ELOC: variants seen among roughly 807,000 people sequenced by gnomAD.
ELOC encodes the protein elongin-C.
For synonymous variants in ELOC, 40 were observed against 51.3 expected (o/e 0.78, Z 0.94); for missense variants, 38 against 139.0 (o/e 0.27, Z 3.65).
chr8:73,969,195 C>A (rs886882677), intron 1 of ELOC, among the ~76,000 whole-genome samples: 2 of 152,208 alleles, frequency 1.3e-5, no homozygotes, highest in African/African-American at 4.8e-5. Flanking sequence ...TATAGAACTT[C>A]TGATTTATCA....
At chr8:73,966,195 A>T (rs1814957504) in intron 1 of ELOC, among the ~76,000 whole-genome samples, 1 of 152,214 alleles carries the variant, frequency 6.6e-6, no homozygotes, top group Non-Finnish European at 1.5e-5. Context: ...TTCCAACCTA[A>T]TGGGAAGAAT....
intron 3 of ELOC, among the ~76,000 whole-genome samples, chr8:73,954,401 G>A (rs1002117907): frequency 5.9e-5 from 9 of 152,182 alleles, no homozygotes; most frequent in African/African-American, 2.2e-4. Context: ...GCTCACGCCT[G>A]TAATCCCAGC....
At chr8:73,971,941 G>A (rs575731354) in intron 1 of ELOC, 136 bp downstream of exon 1, 4 of 152,298 alleles carry the variant, frequency 2.6e-5, no homozygotes, top group East Asian at 1.9e-4. Flanking sequence ...GAGGCCCAAG[G>A]AGGTTAACAG....
chr8:73,968,590 C>T (rs1372505795), intron 1 of ELOC, among the ~76,000 whole-genome samples: 2 of 152,190 alleles, frequency 1.3e-5, no homozygotes, highest in African/African-American at 4.8e-5. Context: ...CTTCAGTTGC[C>T]TTGTCTCTCC....
chr8:73,956,510 C>T (rs1014585903), intron 2 of ELOC, among the ~76,000 whole-genome samples: 14 of 152,076 alleles, frequency 9.2e-5, no homozygotes, highest in African/African-American at 3.4e-4. Flanking sequence ...GTTTTTAACT[C>T]CTTGTTTTAT....
chr8:73,965,337 G>A (rs1814901514), intron 1 of ELOC, among the ~76,000 whole-genome samples: 1 of 152,166 alleles, frequency 6.6e-6, no homozygotes, highest in Admixed American at 6.5e-5. Flanking sequence ...AACATTAAAG[G>A]CTGGAGAGGA....
In ELOC at chr8:73,951,646, C is replaced by CAA. The variant is rs76199721; in HGVS notation, c.148+4264_148+4265insTT. On this transcript the variant is annotated intron_variant, in intron 3 of 3. Transcript: ENST00000520242. ...CTCAAAAACAAACAAACAAAAAACC[C>CAA]CACAACAACAACAACAACAACAACA... Among the ~76,000 whole-genome samples, 893 of 108,644 alleles carry CAA rather than the reference C, an allele frequency of 8.2e-3. 4 individuals are homozygous for CAA. Among genetic ancestry groups the CAA allele is most frequent in the Non-Finnish European group, 0.01 (552 of 54,548 alleles). The allele number at this position is 108,644 out of a possible 152,430, so 71.3% of individuals were successfully genotyped here.
chr8:73,964,421 T>G (rs1814832048), intron 1 of ELOC: 1 of 152,152 alleles, frequency 6.6e-6, no homozygotes, highest in African/African-American at 2.4e-5. Context: ...CAATTTCAGA[T>G]GGTTCACAGA....
chr8:73,960,422 A>C (rs1814510968), intron 1 of ELOC, among the ~76,000 whole-genome samples: 1 of 152,190 alleles, frequency 6.6e-6, no homozygotes. Context: ...TTAACCAGGT[A>C]ACTCATAATG....
chr8:73,947,598 G>C (rs1428632294), intron 3 of ELOC, among the ~76,000 whole-genome samples: 1 of 151,734 alleles, frequency 6.6e-6, no homozygotes, highest in African/African-American at 2.4e-5. Flanking sequence ...TTTTGACATA[G>C]AGTCTTGATC....
chr8:73,946,687 T>G lies in ELOC; in HGVS notation c.282A>C (p.Pro94=). 6.2e-7 allele frequency: 1 copy of G among 1,612,474 alleles called. No individual in the cohort carries two copies. Among genetic ancestry groups the G allele is most frequent in the Non-Finnish European group, 8.5e-7 (1 of 1,179,478 alleles). ...GTTCCAGTGCAATTTCAGGTGCAAT[T>G]GGGAATTCAGGAATCTCGGTGGAGC... is the stretch of plus-strand genomic sequence containing the variant. The part of the protein sequence containing the change: ...TNSSTEIPEF[P]IAPEIALELL... Residue 94 remains proline, a synonymous_variant, in exon 4 of 4, where the codon CCA becomes CCC. Transcript: ENST00000520242.
At chr8:73,952,406 C>CAAAATAAATAAATATATTAATTAATTTAA (rs1813836652) in intron 3 of ELOC, among the ~76,000 whole-genome samples, 1 of 140,922 alleles carries the variant, frequency 7.1e-6, no homozygotes. Context: ...GACGCTGTCT[C>CAAAATAAATAAATATATTAATTAATTTAA]AAAATAAATA....
chr8:73,961,819 C>T (rs1814621790), intron 1 of ELOC, among the ~76,000 whole-genome samples: 1 of 152,080 alleles, frequency 6.6e-6, no homozygotes, highest in African/African-American at 2.4e-5. Context: ...ATAGGCAGCA[C>T]TAACAATTAA....
intron 3 of ELOC, among the ~76,000 whole-genome samples, chr8:73,947,489 A>C (rs1028646266): frequency 6.6e-6 from 1 of 152,214 alleles, no homozygotes; most frequent in African/African-American, 2.4e-5. Flanking sequence ...TTGTTATGGC[A>C]GCCCTAGCAA....
At chr8:73,949,910 T>C (rs1255841436) in intron 3 of ELOC, among the ~76,000 whole-genome samples, 3 of 152,192 alleles carry the variant, frequency 2.0e-5, no homozygotes, top group Non-Finnish European at 4.4e-5. Context: ...TTGTGATTTT[T>C]TTTCCCCTTA....
chr8:73,965,855 G>A (rs1814938338), intron 1 of ELOC, among the ~76,000 whole-genome samples: 1 of 152,132 alleles, frequency 6.6e-6, no homozygotes, highest in Admixed American at 6.5e-5. Context: ...TGCTAACAGA[G>A]GAGGAATAAG....
At chr8:73,965,177 C>T (rs1814892694) in intron 1 of ELOC, among the ~76,000 whole-genome samples, 1 of 150,546 alleles carries the variant, frequency 6.6e-6, no homozygotes, top group East Asian at 1.9e-4. Context: ...TCCTGTATGT[C>T]AATAAAAAAA....
chr8:73,970,495 A>G (rs1447140588), intron 1 of ELOC: 1 of 152,196 alleles, frequency 6.6e-6, no homozygotes, highest in Non-Finnish European at 1.5e-5. Context: ...ATATTTAAGA[A>G]AAAGAGGAAC....
At chr8:73,952,588 G>A (rs752909608) in intron 3 of ELOC, among the ~76,000 whole-genome samples, 10 of 150,428 alleles carry the variant, frequency 6.6e-5, no homozygotes, top group East Asian at 2.0e-4. Flanking sequence ...AGACCTTCCC[G>A]GCTAACACAG....
Sources: gnomAD v4.1 joint callset for allele counts (sites outside exome capture counted in the v4.1 genomes callset) on GRCh38, gnomAD v4.1.1 for gene constraint, MANE v1.5 for transcripts, NCBI Gene and HGNC (gene_info 2026-07-23, HGNC 2026-07-21) for gene names.